Variants in PITPNM3 observed in about 807,000 individuals in gnomAD.
PITPNM3 encodes membrane-associated phosphatidylinositol transfer protein 3.
PITPNM3 carries 26 observed loss-of-function variants against 102.0 expected under a neutral mutation model. The observed-to-expected ratio is 0.25, with a 90% CI of 0.19 to 0.35. The LOEUF (loss-of-function observed/expected upper bound fraction) is 0.35, where lower values mean the gene tolerates loss of function less well. PITPNM3 is among the 10% of genes least tolerant of loss of function. PITPNM3 has a pLI of 1.00. For missense variants in PITPNM3, 1,083 were observed against 1,346.1 expected (o/e 0.80, Z 3.06); for synonymous variants, 578 against 558.6 (o/e 1.03, Z -0.49).
intron 3 of PITPNM3, among the ~76,000 whole-genome samples, chr17:6,515,916 T>C (rs1908141743): frequency 6.6e-6 from 1 of 152,138 alleles, no homozygotes; most frequent in Non-Finnish European, 1.5e-5. Flanking sequence ...CACAGTGACA[T>C]ACGCATGTAA....
chr17:6,476,014 T>C (rs191240105), intron 9 of PITPNM3, among the ~76,000 whole-genome samples: 1 of 152,356 alleles, frequency 6.6e-6, no homozygotes, highest in Admixed American at 6.5e-5. Context: ...TAGGGCTATT[T>C]ATACTGCTAA....
Position 6,468,360 on chromosome 17 carries a change from G to A in PITPNM3, c.1774-19C>T, listed in dbSNP as rs202054533. 2.5e-6 allele frequency: 4 copies of A among 1,612,640 alleles called. No homozygotes were observed. The East Asian group carries it at 8.9e-5, about 36-fold the overall frequency. ...GCATTACCTAGCCAAGAGCCGAGCA[G>A]GGCCCCGGTCAGGTCTTCTGGCTTC... is the stretch of plus-strand genomic sequence containing the variant. On this transcript the variant is annotated intron_variant, in intron 13 of 19. Transcript: ENST00000262483. The surrounding 1 kb of genome is among the most constrained non-coding windows in gnomAD (Gnocchi z 5.2).
chr17:6,516,286 G>A (rs1370187496), intron 3 of PITPNM3, among the ~76,000 whole-genome samples: 1 of 152,162 alleles, frequency 6.6e-6, no homozygotes, highest in African/African-American at 2.4e-5. Context: ...ATACTTGGCC[G>A]GGCGCCGTGG....
At chr17:6,551,223 G>A (rs961383188) in intron 1 of PITPNM3, among the ~76,000 whole-genome samples, 1 of 152,180 alleles carries the variant, frequency 6.6e-6, no homozygotes, top group African/African-American at 2.4e-5. Context: ...CGGGCATGGT[G>A]GCAGTCACCT....
Position 6,519,520 on chromosome 17 carries a change from G to GA in PITPNM3, c.226+5835dup, listed in dbSNP as rs113109836. Among the ~76,000 whole-genome samples the GA allele has an allele frequency of 4.8e-3, 611 of 126,696 alleles. 2 individuals carry two copies. The highest frequency in any genetic ancestry group is 0.027 in the Middle Eastern group (6 of 222). 83.1% of individuals were successfully genotyped at this position (126,696 alleles called of 152,430 possible). On this transcript the variant is annotated intron_variant, in intron 3 of 19. Transcript: ENST00000262483. ...GGCGACAGAGTGAGACTCCGTCTCAGAAAAAAAAAAAAAAGATTTGTAAAC... is the reference window on the plus strand; with the variant it reads ...GGCGACAGAGTGAGACTCCGTCTCAGAAAAAAAAAAAAAAAGATTTGTAAAC...
At chr17:6,483,375 G>A (rs1196759294) in intron 6 of PITPNM3, 142 bp downstream of exon 6, 2 of 830,584 alleles carry the variant, frequency 2.4e-6, no homozygotes, top group Admixed American at 2.0e-5. Context: ...CACCAGGGAT[G>A]CTTGTGTTTC....
At chr17:6,554,846 C>G (rs916967738) in intron 1 of PITPNM3, among the ~76,000 whole-genome samples, 14 of 152,194 alleles carry the variant, frequency 9.2e-5, no homozygotes, top group African/African-American at 3.4e-4. Flanking sequence ...TTTCCTCCCT[C>G]CCAGGATCAC....
intron 1 of PITPNM3, among the ~76,000 whole-genome samples, chr17:6,549,513 CCT>C (rs777470045): frequency 6.6e-5 from 10 of 152,312 alleles, no homozygotes; most frequent in South Asian, 2.1e-4. Flanking sequence ...GCTTCTGCCC[CCT>C]GTCTACCCTT....
At chr17:6,542,710 T>C (rs191021871) in intron 1 of PITPNM3, among the ~76,000 whole-genome samples, 2 of 152,240 alleles carry the variant, frequency 1.3e-5, no homozygotes, top group East Asian at 1.9e-4. Context: ...TTGGAAATGG[T>C]GGCCTTGTCA....
Position 6,459,843 on chromosome 17 carries a change from G to A in PITPNM3, c.2490+1530C>T, listed in dbSNP as rs145732420. ...CTGCATCCAACCATCCCTGAGCCCC[G>A]ACTATTCCACCTCCTAATCCTGTCC... is the stretch of plus-strand genomic sequence containing the variant. On this transcript the variant is annotated intron_variant, in intron 18 of 19. Transcript: ENST00000262483. This position sits in a 1 kb window ranked among gnomAD's most constrained non-coding sequence, Gnocchi z 5.0. 9.3e-4 allele frequency among the ~76,000 whole-genome samples: 141 copies of A among 151,962 alleles called. 2 individuals are homozygous for A. Among genetic ancestry groups the A allele is most frequent in the African/African-American group, 3.3e-3 (136 of 41,428 alleles).
At chr17:6,516,831 A>T (rs1287107249) in intron 3 of PITPNM3, among the ~76,000 whole-genome samples, 1 of 152,184 alleles carries the variant, frequency 6.6e-6, no homozygotes, top group East Asian at 1.9e-4. Flanking sequence ...GGAGTTCGAG[A>T]CCAGCCTGGG....
rs560025117 is a variant in PITPNM3, at chr17:6,468,786, C to T, written c.1774-445G>A. Among the ~76,000 whole-genome samples, 110 of 152,268 alleles carry T rather than the reference C, an allele frequency of 7.2e-4. 1 individual carries two copies. The highest frequency in any genetic ancestry group is 2.6e-3 in the African/African-American group (110 of 41,544). ...GATCACTCTCCTTAGCATTCAAATA[C>T]GTGTAATACTGCCCATCTTAAAAAA... is the stretch of plus-strand genomic sequence containing the variant. On this transcript the variant is annotated intron_variant, in intron 13 of 19. Transcript: ENST00000262483. The surrounding 1 kb of genome is among the most constrained non-coding windows in gnomAD (Gnocchi z 5.2).
intron 3 of PITPNM3, among the ~76,000 whole-genome samples, chr17:6,518,972 T>G (rs1182512063): frequency 1.3e-5 from 2 of 152,142 alleles, no homozygotes; most frequent in Non-Finnish European, 2.9e-5. Context: ...TGCATTGACC[T>G]GGAGATCCCA....
chr17:6,550,952 C>T (rs1910269637), intron 1 of PITPNM3, among the ~76,000 whole-genome samples: 1 of 152,246 alleles, frequency 6.6e-6, no homozygotes, highest in South Asian at 2.1e-4. Context: ...AGGCTGGGAC[C>T]TGCCAGGTCT....
intron 4 of PITPNM3, among the ~76,000 whole-genome samples, chr17:6,497,225 G>T (rs1393634254): frequency 6.6e-6 from 1 of 152,188 alleles, no homozygotes; most frequent in African/African-American, 2.4e-5. Context: ...CTGTGGTGGG[G>T]GGTCTTCCTG....
At chr17:6,555,654 G>A (rs1910562220) in intron 1 of PITPNM3, among the ~76,000 whole-genome samples, 1 of 152,208 alleles carries the variant, frequency 6.6e-6, no homozygotes, top group Non-Finnish European at 1.5e-5. Context: ...CCTGAGCCCC[G>A]GTGCCCAGCT....
intron 14 of PITPNM3, 85 bp from the exon 15 acceptor site, chr17:6,464,856 G>A: frequency 2.4e-6 from 3 of 1,267,718 alleles, no homozygotes; most frequent in South Asian, 1.2e-5. Flanking sequence ...CAGACTGGCT[G>A]GAGGCATATC....
chr17:6,543,816 G>A (rs929643164), intron 1 of PITPNM3, among the ~76,000 whole-genome samples: 5 of 152,188 alleles, frequency 3.3e-5, no homozygotes, highest in African/African-American at 1.2e-4. Flanking sequence ...TACCCAGAGG[G>A]TTTCCGGGGG....
Position 6,472,943 on chromosome 17 carries a change from G to C in PITPNM3, c.1259-116C>G. 1 of 1,266,868 alleles carries C rather than the reference G, an allele frequency of 7.9e-7. No homozygotes were observed. The highest frequency in any genetic ancestry group is 1.3e-5 in the South Asian group (1 of 78,172). 78.5% of individuals were successfully genotyped at this position (1,266,868 alleles called of 1,614,324 possible). A position where few individuals can be genotyped will look rare whatever the true frequency, so the allele number is the denominator to read the frequency against. On this transcript the variant is annotated intron_variant, in intron 10 of 19. Transcript: ENST00000262483. The surrounding 1 kb of genome is among the most constrained non-coding windows in gnomAD (Gnocchi z 4.1). ...CTACTCCCCTCTCAAGAGCCTCCCC[G>C]GGCTCCCTGCTCCCCACGGGAACAA...
Sources: allele counts gnomAD v4.1 joint callset (sites outside exome capture counted in the v4.1 genomes callset), GRCh38; gene constraint gnomAD v4.1.1; non-coding constraint Gnocchi (gnomAD v3.1); transcripts MANE v1.5; gene names NCBI Gene and HGNC (gene_info 2026-07-23, HGNC 2026-07-21).